SOX6: variants seen among roughly 807,000 people sequenced by gnomAD.
SOX6 encodes SRY-box transcription factor 6, also known as transcription factor SOX-6.
A neutral mutation model predicts 97.8 loss-of-function variants in SOX6; 11 were observed. The observed-to-expected ratio is 0.11, with a 90% CI of 0.07 to 0.19. The LOEUF (loss-of-function observed/expected upper bound fraction) is 0.19, where lower values mean the gene tolerates loss of function less well. Ranked by LOEUF, SOX6 falls within the 10% of genes least tolerant of loss-of-function variation. The probability of loss-of-function intolerance (pLI) is 1.00; values close to 1 mark genes in which losing one functional copy is unlikely to be tolerated. For synonymous variants in SOX6, 360 were observed against 371.4 expected (o/e 0.97, Z 0.35); for missense variants, 810 against 1,039.5 (o/e 0.78, Z 3.04).
chr11:16,216,163 G>A (rs1852366343), intron 4 of SOX6, among the ~76,000 whole-genome samples: 1 of 152,184 alleles, frequency 6.6e-6, no homozygotes, highest in Non-Finnish European at 1.5e-5. Flanking sequence ...CAAAATCACT[G>A]TGATACAAAG....
At chr11:16,240,588 T>G (rs1436474261) in intron 3 of SOX6, among the ~76,000 whole-genome samples, 1 of 152,044 alleles carries the variant, frequency 6.6e-6, no homozygotes, top group African/African-American at 2.4e-5. Context: ...CTCTTTTATC[T>G]GCTTTCCAAG....
chr11:16,457,655 C>CTATGTTTGCATT (rs1859834727), intron 1 of SOX6, among the ~76,000 whole-genome samples: 1 of 152,018 alleles, frequency 6.6e-6, no homozygotes, highest in African/African-American at 2.4e-5. Context: ...TGCTGCTATA[C>CTATGTTTGCATT]TATGCTTACT....
chr11:15,969,360 A>T lies in SOX6; in HGVS notation c.*3449T>A, dbSNP rs1590095865. On this transcript the variant is annotated 3_prime_UTR_variant, in exon 16 of 16. Transcript: ENST00000683767. ...TATTAAATGGTCACAGAACTATCTT[A>T]GAAGATTTATGTAGACTCCCAAAGC... 6.6e-6 allele frequency: 1 copy of T among 152,298 alleles called. No homozygotes were observed. The highest frequency in any genetic ancestry group is 2.4e-5 in the African/African-American group (1 of 41,574). The allele number at this position is 152,298 out of a possible 1,614,324, so 9.4% of individuals were successfully genotyped here.
At chr11:16,097,320 A>T (rs1197253595) in intron 8 of SOX6, among the ~76,000 whole-genome samples, 2 of 151,880 alleles carry the variant, frequency 1.3e-5, no homozygotes, top group Non-Finnish European at 2.9e-5. Context: ...AACAAGGAAA[A>T]AGCTAACATG....
chr11:16,677,313 C>A (rs940739693), intron 3 of SOX6, among the ~76,000 whole-genome samples: 1 of 151,936 alleles, frequency 6.6e-6, no homozygotes, highest in African/African-American at 2.4e-5. Flanking sequence ...ATGAGGAAAA[C>A]CTGAGTAAGT....
At chr11:16,525,840 C>G (rs1310537506) in intron 4 of SOX6, among the ~76,000 whole-genome samples, 1 of 152,080 alleles carries the variant, frequency 6.6e-6, no homozygotes, top group African/African-American at 2.4e-5. Flanking sequence ...ACAGACACTT[C>G]TCAAAAGAAG....
intron 9 of SOX6, among the ~76,000 whole-genome samples, chr11:16,073,566 C>G (rs1372966327): frequency 6.6e-6 from 1 of 152,064 alleles, no homozygotes; most frequent in Non-Finnish European, 1.5e-5. Flanking sequence ...TATTTGGGCC[C>G]TAAACTCAAC....
At chr11:16,473,751 C>T (rs1450951466) in intron 1 of SOX6, among the ~76,000 whole-genome samples, 1 of 152,046 alleles carries the variant, frequency 6.6e-6, no homozygotes, top group South Asian at 2.1e-4. Flanking sequence ...GGAGTTTCAC[C>T]ATGTTGGCCA....
intron 6 of SOX6, among the ~76,000 whole-genome samples, chr11:16,128,291 A>G (rs931061026): frequency 2.0e-5 from 3 of 152,234 alleles, no homozygotes; most frequent in Non-Finnish European, 4.4e-5. Context: ...ATACATTCAC[A>G]TAAAAATGTA....
intron 3 of SOX6, among the ~76,000 whole-genome samples, chr11:16,677,735 C>A (rs559382442): frequency 2.6e-5 from 4 of 152,198 alleles, no homozygotes; most frequent in East Asian, 3.9e-4. Flanking sequence ...GCCTCATCTA[C>A]CCCCATCATA....
At chr11:16,603,065 A>G (rs113022017) in intron 4 of SOX6, among the ~76,000 whole-genome samples, 1 of 152,164 alleles carries the variant, frequency 6.6e-6, no homozygotes, top group Non-Finnish European at 1.5e-5. Flanking sequence ...CTGTCCCACT[A>G]AACTTGTGAA....
chr11:16,124,436 T>C (rs1483788990), intron 6 of SOX6, among the ~76,000 whole-genome samples: 1 of 151,962 alleles, frequency 6.6e-6, no homozygotes, highest in Non-Finnish European at 1.5e-5. Context: ...AGATAGAGTA[T>C]GAAGAATGAA....
chr11:16,547,137 A>G (rs2133181843), intron 4 of SOX6, among the ~76,000 whole-genome samples: 1 of 152,316 alleles, frequency 6.6e-6, no homozygotes, highest in Non-Finnish European at 1.5e-5. Flanking sequence ...GATGGAAAGA[A>G]AAGAGAACTC....
chr11:16,665,555 T>C (rs753201037), intron 3 of SOX6, among the ~76,000 whole-genome samples: 3 of 152,212 alleles, frequency 2.0e-5, no homozygotes, highest in Non-Finnish European at 2.9e-5. Flanking sequence ...CTAAGGTTTC[T>C]GACTTCAGGC....
In SOX6 at chr11:16,012,630, A is replaced by G. The variant is rs1262612838; in HGVS notation, c.1732+2312T>C. On this transcript the variant is annotated intron_variant, in intron 13 of 15. Coordinates refer to ENST00000683767, the MANE Select transcript of SOX6 (RefSeq NM_001367873.1). ...GAAATGGGCTGTACTGAGGAAGGTC[A>G]CAAGGAGTTTGTTCAGAAAAATGAA... Among the ~76,000 whole-genome samples, 20 of 152,142 alleles carry G rather than the reference A, an allele frequency of 1.3e-4. No homozygotes were observed. In the East Asian group the frequency reaches 3.7e-3, roughly 28 times the overall value.
At chr11:16,062,323 T>C (rs2133930370) in intron 9 of SOX6, among the ~76,000 whole-genome samples, 1 of 151,828 alleles carries the variant, frequency 6.6e-6, no homozygotes, top group Admixed American at 6.6e-5. Flanking sequence ...GAAAATTTCT[T>C]TGCAGACTAA....
chr11:16,706,077 G>T (rs112003790), intron 3 of SOX6, among the ~76,000 whole-genome samples: 9 of 152,060 alleles, frequency 5.9e-5, no homozygotes, highest in Admixed American at 1.3e-4. Context: ...GTGCAAATGT[G>T]ATCTTGACCA....
intron 15 of SOX6, among the ~76,000 whole-genome samples, chr11:15,982,169 C>T (rs1853674830): frequency 6.6e-6 from 1 of 151,998 alleles, no homozygotes; most frequent in South Asian, 2.1e-4. Flanking sequence ...GTGTCCTTAC[C>T]AATGTCCTTT....
At chr11:16,077,598 C>A (rs1848385783) in intron 9 of SOX6, among the ~76,000 whole-genome samples, 1 of 152,136 alleles carries the variant, frequency 6.6e-6, no homozygotes, top group Non-Finnish European at 1.5e-5. Context: ...AAATGTGGTA[C>A]ATAGACACCA....
Sources: gnomAD v4.1 joint callset for allele counts (sites outside exome capture counted in the v4.1 genomes callset) on GRCh38, gnomAD v4.1.1 for gene constraint, MANE v1.5 for transcripts, NCBI Gene and HGNC (gene_info 2026-07-23, HGNC 2026-07-21) for gene names.